GULP1: variants seen among roughly 807,000 people sequenced by gnomAD.
The protein encoded by GULP1 is PTB domain-containing engulfment adapter protein 1.
A neutral mutation model predicts 40.9 loss-of-function variants in GULP1; 19 were observed. That is an observed-to-expected ratio of 0.46 (90% confidence interval 0.32 to 0.68). GULP1 has a LOEUF of 0.68. GULP1 is among the 30% of genes least tolerant of loss of function. The probability of loss-of-function intolerance (pLI) is 0.03; values close to 1 mark genes in which losing one functional copy is unlikely to be tolerated. For synonymous variants in GULP1, 119 were observed against 117.6 expected, an observed-to-expected ratio of 1.01 and a Z score of -0.08; for missense variants, 312 against 362.2, an observed-to-expected ratio of 0.86 and a Z score of 1.12.
intron 6 of GULP1, among the ~76,000 whole-genome samples, chr2:188,537,824 T>G (rs1008623253): frequency 1.3e-5 from 2 of 152,158 alleles, no homozygotes; most frequent in African/African-American, 4.8e-5. Flanking sequence ...TGGGGCTTTG[T>G]TTGGTTGGTA....
intron 2 of GULP1, among the ~76,000 whole-genome samples, chr2:188,413,798 A>G (rs567179403): frequency 1.6e-4 from 25 of 152,322 alleles, no homozygotes; most frequent in African/African-American, 6.0e-4. Context: ...TTATTTATTG[A>G]GAGAGCTAAG....
At chr2:188,379,120 T>G (rs1196897855) in intron 1 of GULP1, among the ~76,000 whole-genome samples, 5 of 152,154 alleles carry the variant, frequency 3.3e-5, no homozygotes, top group Non-Finnish European at 7.3e-5. Flanking sequence ...TCTCCTACTT[T>G]TTCTAATCAG....
intron 1 of GULP1, among the ~76,000 whole-genome samples, chr2:188,355,114 C>T (rs1173821667): frequency 1.3e-5 from 2 of 151,928 alleles, no homozygotes; most frequent in Non-Finnish European, 2.9e-5. Flanking sequence ...AAGAAACAAC[C>T]TAATGATGCA....
intron 2 of GULP1, among the ~76,000 whole-genome samples, chr2:188,453,647 C>G (rs2059017100): frequency 6.6e-6 from 1 of 152,190 alleles, no homozygotes; most frequent in Admixed American, 6.5e-5. Flanking sequence ...TTCCAAGATA[C>G]AGAGAGCAAT....
At chr2:188,536,610 G>A (rs1553591585) in intron 6 of GULP1, among the ~76,000 whole-genome samples, 1 of 151,908 alleles carries the variant, frequency 6.6e-6, no homozygotes, top group Non-Finnish European at 1.5e-5. Flanking sequence ...CAGTCATCGG[G>A]TAATGTGATG....
At chr2:188,407,676 A>G (rs1013452167) in intron 2 of GULP1, among the ~76,000 whole-genome samples, 1 of 152,196 alleles carries the variant, frequency 6.6e-6, no homozygotes, top group Non-Finnish European at 1.5e-5. Context: ...GAATCAGAAC[A>G]TACTACCAGA....
At chr2:188,554,621 G>A (rs1051847924) in intron 7 of GULP1, among the ~76,000 whole-genome samples, 5 of 151,750 alleles carry the variant, frequency 3.3e-5, no homozygotes, top group African/African-American at 1.2e-4. Context: ...ATCTTCTGCA[G>A]TTTTTGGATA....
intron 2 of GULP1, among the ~76,000 whole-genome samples, chr2:188,404,624 G>C (rs1439745562): frequency 6.6e-6 from 1 of 152,200 alleles, no homozygotes; most frequent in Non-Finnish European, 1.5e-5. Context: ...CAGGCTTCAA[G>C]CTTGCCAAGG....
chr2:188,400,274 C>T (rs774672543), intron 2 of GULP1, among the ~76,000 whole-genome samples: 3 of 152,132 alleles, frequency 2.0e-5, no homozygotes, highest in Admixed American at 2.0e-4. Flanking sequence ...ATAAACATAT[C>T]AGTCATTGTA....
chr2:188,373,085 TA>T (rs1553535437), intron 1 of GULP1, among the ~76,000 whole-genome samples: 1 of 9,534 alleles, frequency 1.0e-4, no homozygotes, highest in African/African-American at 2.3e-3. Context: ...AGGGAATGAT[TA>T]TATATATATA....
chr2:188,525,794 G>A (rs1423746485), intron 5 of GULP1, among the ~76,000 whole-genome samples: 2 of 152,124 alleles, frequency 1.3e-5, no homozygotes, highest in African/African-American at 2.4e-5. Flanking sequence ...TCTCAGCCTA[G>A]TAGATTTTCC....
chr2:188,345,569 T>C (rs2043535931), intron 1 of GULP1, among the ~76,000 whole-genome samples: 1 of 152,224 alleles, frequency 6.6e-6, no homozygotes, highest in African/African-American at 2.4e-5. Flanking sequence ...TATTGTTGCC[T>C]GTTGAAAATA....
intron 2 of GULP1, among the ~76,000 whole-genome samples, chr2:188,397,276 T>G (rs992242276): frequency 5.9e-5 from 9 of 152,286 alleles, no homozygotes; most frequent in Middle Eastern, 3.4e-3. Context: ...TATGAGTAGG[T>G]ACGTTTTTTA....
intron 2 of GULP1, among the ~76,000 whole-genome samples, chr2:188,463,883 T>G (rs2059911228): frequency 6.6e-6 from 1 of 152,210 alleles, no homozygotes; most frequent in Admixed American, 6.5e-5. Flanking sequence ...TTTTTTAAAT[T>G]TATCTGATAG....
intron 4 of GULP1, among the ~76,000 whole-genome samples, chr2:188,499,133 G>A (rs906034549): frequency 1.7e-5 from 2 of 120,716 alleles, no homozygotes; most frequent in Non-Finnish European, 3.4e-5. Flanking sequence ...ATATATGTGT[G>A]TGTATATATA....
chr2:188,489,890 A>G (rs1055630013), intron 4 of GULP1, among the ~76,000 whole-genome samples: 1 of 152,108 alleles, frequency 6.6e-6, no homozygotes, highest in African/African-American at 2.4e-5. Flanking sequence ...ACAAGAACAA[A>G]TGGAGAAAAG....
intron 6 of GULP1, among the ~76,000 whole-genome samples, chr2:188,537,138 T>C (rs1689148174): frequency 6.6e-6 from 1 of 152,052 alleles, no homozygotes; most frequent in South Asian, 2.1e-4. Flanking sequence ...TTAAGAGGGA[T>C]AGTTTGACTT....
intron 2 of GULP1, among the ~76,000 whole-genome samples, chr2:188,405,064 G>C (rs974664147): frequency 6.6e-6 from 1 of 152,152 alleles, no homozygotes; most frequent in Non-Finnish European, 1.5e-5. Context: ...GTCCACCTCA[G>C]TAGATTCCAG....
At chr2:188,532,864 T>C (rs1463575747) in intron 6 of GULP1, among the ~76,000 whole-genome samples, 2 of 151,850 alleles carry the variant, frequency 1.3e-5, no homozygotes, top group African/African-American at 4.8e-5. Flanking sequence ...GAGGTTGCAG[T>C]GAGCCAAGAT....
Sources: gnomAD v4.1 joint callset for allele counts (sites outside exome capture counted in the v4.1 genomes callset) on GRCh38, gnomAD v4.1.1 for gene constraint, MANE v1.5 for transcripts, NCBI Gene and HGNC (gene_info 2026-07-23, HGNC 2026-07-21) for gene names.